The following NR2C2 variants were observed in gnomAD, a reference collection of about 807,000 sequenced individuals.
The protein encoded by NR2C2 is Nuclear hormone receptor TR4.
A neutral mutation model predicts 62.9 loss-of-function variants in NR2C2; 6 were observed. The ratio of observed to expected loss-of-function variants is 0.10; its 90% confidence interval spans 0.05 to 0.19. The LOEUF (loss-of-function observed/expected upper bound fraction) is 0.19, where lower values mean the gene tolerates loss of function less well. Among genes scored for constraint, NR2C2 ranks in the 10% least tolerant of loss-of-function variants. The pLI is 1.00. For synonymous variants in NR2C2, 272 were observed against 273.8 expected (o/e 0.99, Z 0.07); for missense variants, 479 against 762.7 (o/e 0.63, Z 4.38).
chr3:14,994,483 G>T (rs1192773974), intron 1 of NR2C2, among the ~76,000 whole-genome samples: 1 of 121,930 alleles, frequency 8.2e-6, no homozygotes, highest in Admixed American at 1.1e-4. Flanking sequence ...TCACCCTGTC[G>T]CCAGGCTGGA....
intron 13 of NR2C2, among the ~76,000 whole-genome samples, chr3:15,040,200 G>C (rs6779587): frequency 0.072 from 10,903 of 151,816 alleles, 432 homozygotes; most frequent in Middle Eastern, 0.099. Context: ...ACCCTTTCTC[G>C]TGCAGCTTTA....
Position 15,047,829 on chromosome 3 carries a change from C to T in NR2C2, c.*4821C>T, listed in dbSNP as rs978671853. 1 of 152,202 alleles carries T rather than the reference C, an allele frequency of 6.6e-6. No individual in the cohort carries two copies. Among genetic ancestry groups the T allele is most frequent in the Non-Finnish European group, 1.5e-5 (1 of 68,044 alleles). The allele number at this position is 152,202 out of a possible 1,614,324, so 9.4% of individuals were successfully genotyped here. On this transcript the variant is annotated 3_prime_UTR_variant, in exon 14 of 14. Transcript: ENST00000425241. The stretch of plus-strand genomic sequence containing the variant: ...ACTGTAAGCATGTAAATGACTTTAA[C>T]TCCTTTCTATAAGTTATGATTTTAA...
chr3:14,974,324 G>C (rs997691777), intron 1 of NR2C2, among the ~76,000 whole-genome samples: 2 of 152,156 alleles, frequency 1.3e-5, no homozygotes, highest in Non-Finnish European at 2.9e-5. Flanking sequence ...TGGGAAGTAC[G>C]AGATATCTAA....
chr3:14,973,050 G>C (rs1271291611), intron 1 of NR2C2, among the ~76,000 whole-genome samples: 2 of 152,176 alleles, frequency 1.3e-5, no homozygotes, highest in Admixed American at 1.3e-4. Flanking sequence ...ACAGATATAT[G>C]ATTTGCAAGT....
rs774893516 is a variant in NR2C2 at position 15,028,743 on chromosome 3, C to CT, written c.932+25dup. Reference sequence around the variant, plus strand: ...CGGTACGAGCCCATGAGGATGGAGTCTCCCCTCCTCGCCTGGACACCCTCC... The same window carrying CT: ...CGGTACGAGCCCATGAGGATGGAGTCTTCCCCTCCTCGCCTGGACACCCTCC... On this transcript the variant is annotated intron_variant, in intron 8 of 13. Coordinates refer to ENST00000425241, the MANE Select transcript of NR2C2 (RefSeq NM_001291694.2). 1.3e-5 allele frequency: 21 copies of CT among 1,608,434 alleles called. No homozygotes were observed. In the African/African-American group the frequency reaches 2.5e-4, roughly 19 times the overall value.
At position 15,043,826 on chromosome 3, in the gene NR2C2, T is replaced by C. The variant is rs1384332288; in HGVS notation, c.*818T>C. ...CTCCTTTGATGACTGGTTATCTGAA[T>C]TGGATTGCAACTAGTCAGACATTAA... On this transcript the variant is annotated 3_prime_UTR_variant, in exon 14 of 14. Coordinates refer to ENST00000425241, the MANE Select transcript of NR2C2 (RefSeq NM_001291694.2). The C allele has an allele frequency of 6.6e-6, 1 of 152,216 alleles. No homozygotes were observed. The highest frequency in any genetic ancestry group is 6.5e-5 in the Admixed American group (1 of 15,282). The allele number at this position is 152,216 out of a possible 1,614,324, so 9.4% of individuals were successfully genotyped here.
At chr3:14,951,872 C>T (rs1190234739) in intron 1 of NR2C2, among the ~76,000 whole-genome samples, 1 of 152,146 alleles carries the variant, frequency 6.6e-6, no homozygotes, top group African/African-American at 2.4e-5. Context: ...CTCCGCCTCC[C>T]CAGTGGCTGG....
At chr3:14,954,267 T>A (rs1456853080) in intron 1 of NR2C2, among the ~76,000 whole-genome samples, 2 of 152,114 alleles carry the variant, frequency 1.3e-5, no homozygotes, top group African/African-American at 2.4e-5. Context: ...TACAGATTTT[T>A]AAAAATAAAA....
chr3:15,029,452 C>A (rs2041909228), intron 8 of NR2C2, among the ~76,000 whole-genome samples: 2 of 152,192 alleles, frequency 1.3e-5, no homozygotes, highest in Admixed American at 1.3e-4. Context: ...GGAGACTATA[C>A]AAGTGTTCCA....
chr3:14,957,332 C>A (rs909515465), intron 1 of NR2C2, among the ~76,000 whole-genome samples: 1 of 152,158 alleles, frequency 6.6e-6, no homozygotes, highest in African/African-American at 2.4e-5. Flanking sequence ...TCAGGTGTTT[C>A]CAGAGCCCAG....
intron 1 of NR2C2, among the ~76,000 whole-genome samples, chr3:14,990,189 G>C (rs531808740): frequency 6.6e-6 from 1 of 152,278 alleles, no homozygotes; most frequent in African/African-American, 2.4e-5. Context: ...GGGCTCTCCA[G>C]GTCTTTCCTC....
At position 15,020,815 on chromosome 3, in the gene NR2C2, A is replaced by C; in HGVS notation, c.439A>C (p.Lys147Gln). The change falls in exon 5 of 14, where the codon AAA becomes CAA. Residue 147 changes from lysine to glutamine, a missense_variant. Lys to Gln is a moderately conservative substitution (Grantham distance 53). Coordinates refer to ENST00000425241, the MANE Select transcript of NR2C2 (RefSeq NM_001291694.2). ...CKGFFKRSVR[K>Q]NLTYSCRSNQ... is the part of the protein sequence containing the mutation. ...AGGTTTCTTCAAAAGGAGTGTGAGG[A>C]AAAATTTGACCTACAGCTGCCGGAG... 6.2e-7 allele frequency: 1 copy of C among 1,614,216 alleles called. No individual in the cohort carries two copies. Among genetic ancestry groups the C allele is most frequent in the Non-Finnish European group, 8.5e-7 (1 of 1,180,030 alleles).
At chr3:15,001,374 G>A (rs1263940203) in intron 1 of NR2C2, among the ~76,000 whole-genome samples, 2 of 125,894 alleles carry the variant, frequency 1.6e-5, no homozygotes, top group Admixed American at 1.0e-4. Context: ...CACTCATGTC[G>A]CTCAGGCTGG....
intron 1 of NR2C2, among the ~76,000 whole-genome samples, chr3:15,001,712 G>A (rs2041008986): frequency 6.6e-6 from 1 of 152,082 alleles, no homozygotes; most frequent in African/African-American, 2.4e-5. Context: ...GAACAACTGG[G>A]CTCAAGCAAT....
intron 2 of NR2C2, among the ~76,000 whole-genome samples, chr3:15,008,607 G>T (rs1179901316): frequency 6.6e-6 from 1 of 152,192 alleles, no homozygotes; most frequent in Non-Finnish European, 1.5e-5. Context: ...TCATTGGCAG[G>T]CTCTTCTTTG....
intron 1 of NR2C2, among the ~76,000 whole-genome samples, chr3:14,983,318 CT>C (rs199762686): frequency 0.021 from 3,200 of 151,468 alleles, 110 homozygotes; most frequent in African/African-American, 0.072. Flanking sequence ...GTCAGATGCT[CT>C]TTTTTTTTAT....
chr3:15,004,467 A>G (rs2041110233), intron 2 of NR2C2: 1 of 1,278,420 alleles, frequency 7.8e-7, no homozygotes, highest in Non-Finnish European at 1.1e-6. Flanking sequence ...GCACATAATA[A>G]TGTTCAATAT....
intron 1 of NR2C2, among the ~76,000 whole-genome samples, chr3:14,964,577 C>T (rs146960706): frequency 0.041 from 6,200 of 151,770 alleles, 439 homozygotes; most frequent in African/African-American, 0.14. Context: ...TGCAGTGGTG[C>T]GATCTCGGCT....
intron 1 of NR2C2, among the ~76,000 whole-genome samples, chr3:14,995,940 T>C (rs2040821924): frequency 6.6e-6 from 1 of 152,230 alleles, no homozygotes; most frequent in Non-Finnish European, 1.5e-5. Flanking sequence ...GAATATTTTT[T>C]CAAGTGCTTA....
Sources: allele counts gnomAD v4.1 joint callset (sites outside exome capture counted in the v4.1 genomes callset), GRCh38; gene constraint gnomAD v4.1.1; transcripts MANE v1.5; gene names NCBI Gene and HGNC (gene_info 2026-07-23, HGNC 2026-07-21).